The following POLD3 variants were observed in gnomAD, a reference collection of about 807,000 sequenced individuals.
POLD3 encodes the protein DNA polymerase delta 3, accessory subunit, also known as DNA polymerase delta subunit 3.
A neutral mutation model predicts 58.2 loss-of-function variants in POLD3; 19 were observed. That is an observed-to-expected ratio of 0.33 (90% CI 0.23 to 0.48). The LOEUF is 0.48. Ranked by LOEUF, POLD3 falls within the 20% of genes least tolerant of loss-of-function variation. POLD3 has a pLI of 0.99. For synonymous variants in POLD3, 172 were observed against 193.5 expected (o/e 0.89, Z 0.92); for missense variants, 504 against 545.5 (o/e 0.92, Z 0.76).
chr11:74,668,341 G>A (rs1199469246), intron 4 of POLD3, among the ~76,000 whole-genome samples: 1 of 152,144 alleles, frequency 6.6e-6, no homozygotes, highest in East Asian at 1.9e-4. Context: ...ATAAGGTGAT[G>A]AATGGATAAA....
intron 7 of POLD3, among the ~76,000 whole-genome samples, chr11:74,623,569 A>G (rs1366874573): frequency 6.6e-6 from 1 of 152,222 alleles, no homozygotes; most frequent in Non-Finnish European, 1.5e-5. Context: ...GTGATGGTGG[A>G]TATACAACTA....
At chr11:74,619,467 A>AT (rs1233670951) in intron 6 of POLD3, among the ~76,000 whole-genome samples, 1 of 152,210 alleles carries the variant, frequency 6.6e-6, no homozygotes, top group African/African-American at 2.4e-5. Context: ...GATGGAGGAA[A>AT]ACACTAACGT....
chr11:74,656,597 A>C (rs1349263612), intron 4 of POLD3, among the ~76,000 whole-genome samples: 2 of 151,584 alleles, frequency 1.3e-5, no homozygotes. Context: ...AAAAAAAAAA[A>C]TTCTTCATTT....
intron 3 of POLD3, among the ~76,000 whole-genome samples, chr11:74,609,364 ATATATATATTT>A (rs2031813719): frequency 2.3e-5 from 1 of 43,182 alleles, no homozygotes; most frequent in African/African-American, 1.7e-4. Context: ...ATATATATAT[ATATATATATTT>A]TTTTTTTTTT....
intron 4 of POLD3, among the ~76,000 whole-genome samples, chr11:74,651,726 G>A (rs1449586778): frequency 1.3e-5 from 2 of 152,164 alleles, no homozygotes; most frequent in Non-Finnish European, 2.9e-5. Context: ...AAAGTCCAGG[G>A]TGGGCATGTG....
At chr11:74,639,429 TTTTAC>T (rs1275912926) in intron 11 of POLD3, among the ~76,000 whole-genome samples, 1 of 152,180 alleles carries the variant, frequency 6.6e-6, no homozygotes, top group African/African-American at 2.4e-5. Context: ...AAAAAAAACC[TTTTAC>T]TTTAATCATT....
In POLD3 at chr11:74,633,360, C is replaced by A. The variant is rs574261446; in HGVS notation, c.1007-1223C>A. 1.8e-4 allele frequency among the ~76,000 whole-genome samples: 27 copies of A among 152,258 alleles called. No individual in the cohort carries two copies. In the South Asian group the frequency reaches 5.6e-3, roughly 32 times the overall value. The stretch of plus-strand genomic sequence containing the variant: ...CTTTTATGTTTCTCTCTCTTGTTTC[C>A]CAGAGCTTATAAAGTTTTTGGGGCC... On this transcript the variant is annotated intron_variant, in intron 9 of 11. Coordinates refer to ENST00000263681, the MANE Select transcript of POLD3 (RefSeq NM_006591.3).
chr11:74,651,656 A>G (rs1328233826), intron 4 of POLD3, among the ~76,000 whole-genome samples: 3 of 152,212 alleles, frequency 2.0e-5, no homozygotes, highest in Non-Finnish European at 2.9e-5. Context: ...GACTTTACAG[A>G]TAAGTAGTTG....
chr11:74,611,472 C>T (rs1348798356), intron 3 of POLD3, 27 bp from the exon 4 acceptor site: 8 of 1,390,014 alleles, frequency 5.8e-6, no homozygotes, highest in Non-Finnish European at 8.1e-6. Flanking sequence ...TTACATTAAG[C>T]ACTAATAAAG....
At chr11:74,604,411 T>G (rs2031605374) in intron 2 of POLD3, among the ~76,000 whole-genome samples, 2 of 152,214 alleles carry the variant, frequency 1.3e-5, no homozygotes, top group Non-Finnish European at 2.9e-5. Context: ...ATTGCCACTG[T>G]TTTAATGCAG....
At chr11:74,664,816 A>G (rs566865807) in intron 4 of POLD3, among the ~76,000 whole-genome samples, 111 of 152,326 alleles carry the variant, frequency 7.3e-4, no homozygotes, top group African/African-American at 2.6e-3. Flanking sequence ...AGAGTCAGAA[A>G]GAGCTGGGTG....
At chr11:74,645,852 T>C (rs2032992325), downstream of POLD3, among the ~76,000 whole-genome samples, 1 of 152,142 alleles carries the variant, frequency 6.6e-6, no homozygotes, top group Admixed American at 6.5e-5. Context: ...ACAATTTGGC[T>C]TCATTGCCCT....
At chr11:74,626,302 G>A (rs185126574) in intron 8 of POLD3, among the ~76,000 whole-genome samples, 8 of 152,256 alleles carry the variant, frequency 5.3e-5, no homozygotes, top group Admixed American at 2.0e-4. Context: ...CCATGGGTAC[G>A]TCACTCACTG....
chr11:74,624,834 A>G (rs984185839), intron 7 of POLD3, among the ~76,000 whole-genome samples: 2 of 152,166 alleles, frequency 1.3e-5, no homozygotes, highest in Non-Finnish European at 2.9e-5. Flanking sequence ...ATCTCTTTTA[A>G]TCCTTATGAT....
chr11:74,663,272 G>A (rs1397351336), intron 4 of POLD3, among the ~76,000 whole-genome samples: 1 of 152,234 alleles, frequency 6.6e-6, no homozygotes, highest in African/African-American at 2.4e-5. Flanking sequence ...TAGATTGGAA[G>A]AACGCAATAT....
chr11:74,637,642 G>A (rs2135179958), intron 11 of POLD3, among the ~76,000 whole-genome samples: 1 of 152,016 alleles, frequency 6.6e-6, no homozygotes, highest in East Asian at 1.9e-4. Context: ...CTTTGTGAGA[G>A]TGAGAGTTCA....
At chr11:74,606,956 G>A (rs1263153973) in intron 3 of POLD3, among the ~76,000 whole-genome samples, 1 of 152,060 alleles carries the variant, frequency 6.6e-6, no homozygotes, top group East Asian at 1.9e-4. Context: ...TGGGGTTGCT[G>A]TGGTTGAAGT....
Position 74,641,900 on chromosome 11 carries a change from A to C in POLD3, c.*1134A>C. On this transcript the variant is annotated 3_prime_UTR_variant, in exon 12 of 12. Coordinates refer to ENST00000263681, the MANE Select transcript of POLD3 (RefSeq NM_006591.3). Reference sequence around the variant, plus strand: ...TCTAAACATCAAAGAAAACATTTTTATTAGTTACTTATGGAAAATCATCTA... The same window carrying C: ...TCTAAACATCAAAGAAAACATTTTTCTTAGTTACTTATGGAAAATCATCTA... 1 of 985,188 alleles carries C rather than the reference A, an allele frequency of 1.0e-6. No homozygotes were observed. The highest frequency in any genetic ancestry group is 1.2e-6 in the Non-Finnish European group (1 of 829,696). 61.0% of individuals were successfully genotyped at this position (985,188 alleles called of 1,614,324 possible). A position where few individuals can be genotyped will look rare whatever the true frequency, so the allele number is the denominator to read the frequency against.
intron 4 of POLD3, among the ~76,000 whole-genome samples, chr11:74,657,702 T>C (rs1288202859): frequency 2.6e-5 from 4 of 152,248 alleles, no homozygotes; most frequent in Non-Finnish European, 5.9e-5. Flanking sequence ...TACAGTGTTA[T>C]AATAGTCTGT....
Sources: gnomAD v4.1 joint callset for allele counts (sites outside exome capture counted in the v4.1 genomes callset) on GRCh38, gnomAD v4.1.1 for gene constraint, MANE v1.5 for transcripts, NCBI Gene and HGNC (gene_info 2026-07-23, HGNC 2026-07-21) for gene names.